PARD3B: variants seen among roughly 807,000 people sequenced by gnomAD.
The protein encoded by PARD3B is par-3 family cell polarity regulator beta, also known as partitioning defective 3 homolog B.
PARD3B carries 103 observed loss-of-function variants against 130.2 expected under a neutral mutation model. The observed-to-expected ratio is 0.79, with a 90% CI of 0.67 to 0.93. The LOEUF (loss-of-function observed/expected upper bound fraction) is 0.93. PARD3B is among the 40% of genes least tolerant of loss of function. PARD3B has a pLI of 0.00. For synonymous variants in PARD3B, 583 were observed against 553.2 expected (o/e 1.05, Z -0.76); for missense variants, 1,609 against 1,499.2 (o/e 1.07, Z -1.21).
chr2:204,615,622 G>C (rs1471579704), intron 1 of PARD3B, among the ~76,000 whole-genome samples: 1 of 152,116 alleles, frequency 6.6e-6, no homozygotes, highest in Non-Finnish European at 1.5e-5. Flanking sequence ...AATGAGCACT[G>C]TCAGTTGTTA....
Position 205,021,594 on chromosome 2 carries a change from TTC to T in PARD3B, c.395-25962_395-25961del, listed in dbSNP as rs372636581. The stretch of plus-strand genomic sequence containing the variant: ...TATGCTCTCTTCTCTCTCTCTTCTC[TTC>T]TCTCTCTCTCTCTCTCTCTCTCTCC... On this transcript the variant is annotated intron_variant, in intron 3 of 22. Coordinates refer to ENST00000406610, the MANE Select transcript of PARD3B (RefSeq NM_001302769.2). This position sits in a 1 kb window ranked among gnomAD's most constrained non-coding sequence, Gnocchi z 4.5. Among the ~76,000 whole-genome samples the T allele has an allele frequency of 0.042, 6,060 of 144,432 alleles. 154 individuals are homozygous for T. Among genetic ancestry groups the T allele is most frequent in the Non-Finnish European group, 0.057 (3,748 of 65,806 alleles). 94.8% of individuals were successfully genotyped at this position (144,432 alleles called of 152,430 possible).
intron 16 of PARD3B, among the ~76,000 whole-genome samples, chr2:205,257,647 C>A (rs1333014748): frequency 6.6e-6 from 1 of 152,142 alleles, no homozygotes; most frequent in South Asian, 2.1e-4. Context: ...TTTTCACTTA[C>A]AGCGCTGCTA....
intron 21 of PARD3B, among the ~76,000 whole-genome samples, chr2:205,546,538 A>G (rs1296650595): frequency 6.6e-6 from 1 of 152,198 alleles, no homozygotes; most frequent in African/African-American, 2.4e-5. Flanking sequence ...TCAAGCAGGA[A>G]TATTTCTGAG....
At chr2:205,566,697 G>A (rs1040557522) in intron 22 of PARD3B, among the ~76,000 whole-genome samples, 6 of 152,148 alleles carry the variant, frequency 3.9e-5, no homozygotes, top group African/African-American at 9.7e-5. Flanking sequence ...AGGATATTAA[G>A]CAAATGTGTA....
chr2:204,653,491 TA>T (rs913226270), intron 1 of PARD3B, among the ~76,000 whole-genome samples: 1 of 150,476 alleles, frequency 6.6e-6, no homozygotes. Flanking sequence ...AGGTCAGTCT[TA>T]AAAAAAATGT....
chr2:204,620,677 A>G (rs2034267347), intron 1 of PARD3B, among the ~76,000 whole-genome samples: 1 of 152,192 alleles, frequency 6.6e-6, no homozygotes, highest in Admixed American at 6.5e-5. Flanking sequence ...AATAAAAAGC[A>G]TGTATAGAGG....
At chr2:204,773,676 A>T in intron 2 of PARD3B, among the ~76,000 whole-genome samples, 1 of 152,010 alleles carries the variant, frequency 6.6e-6, no homozygotes, top group South Asian at 2.1e-4. Context: ...ATAAATTGCA[A>T]TATATATTCT....
At chr2:205,387,154 A>G (rs2045691728) in intron 18 of PARD3B, among the ~76,000 whole-genome samples, 2 of 152,136 alleles carry the variant, frequency 1.3e-5, no homozygotes, top group Non-Finnish European at 2.9e-5. Context: ...TCTTAATGGC[A>G]TTTTATATTT....
Position 205,616,081 on chromosome 2 carries a change from A to C in PARD3B, c.*268A>C. On this transcript the variant is annotated 3_prime_UTR_variant, in exon 23 of 23. Transcript: ENST00000406610. ...TTGAAACGCTTTCAGAGTTGTTCAA[A>C]TCAGTGAGAGTGGCAACGGAACACA... 5 of 442,614 alleles carry C rather than the reference A, an allele frequency of 1.1e-5. No individual in the cohort carries two copies. The highest frequency in any genetic ancestry group is 3.9e-5 in the East Asian group (1 of 25,904). 27.4% of individuals were successfully genotyped at this position (442,614 alleles called of 1,614,324 possible).
chr2:205,424,865 A>G (rs557221039), intron 19 of PARD3B, among the ~76,000 whole-genome samples: 1 of 152,328 alleles, frequency 6.6e-6, no homozygotes, highest in South Asian at 2.1e-4. Flanking sequence ...ATTTTAATAC[A>G]GAAAACTTAG....
rs1373625458 is a variant in PARD3B, at chr2:205,618,065, T to G, written c.*2252T>G. Reference sequence around the variant, plus strand: ...TGCCACCAGAGTGTGCAATACCTCCTGCACACAGGCTCAGGGTAAACTGCT... The same window carrying G: ...TGCCACCAGAGTGTGCAATACCTCCGGCACACAGGCTCAGGGTAAACTGCT... On this transcript the variant is annotated 3_prime_UTR_variant, in exon 23 of 23. Transcript: ENST00000406610. 1 of 152,208 alleles carries G rather than the reference T, an allele frequency of 6.6e-6. No individual in the cohort carries two copies. Among genetic ancestry groups the G allele is most frequent in the Non-Finnish European group, 1.5e-5 (1 of 68,038 alleles). 9.4% of individuals were successfully genotyped at this position (152,208 alleles called of 1,614,324 possible). A position where few individuals can be genotyped will look rare whatever the true frequency, so the allele number is the denominator to read the frequency against.
intron 20 of PARD3B, among the ~76,000 whole-genome samples, chr2:205,462,864 A>G (rs1307606823): frequency 1.3e-5 from 2 of 152,164 alleles, no homozygotes. Flanking sequence ...TGAGCCATTC[A>G]TCAAATCTCA....
chr2:204,757,198 T>C (rs949118133), intron 2 of PARD3B, among the ~76,000 whole-genome samples: 1 of 152,216 alleles, frequency 6.6e-6, no homozygotes, highest in Admixed American at 6.5e-5. Flanking sequence ...GTCTTTGCTG[T>C]TGTGACTAGT....
intron 2 of PARD3B, 83 bp from the exon 3 acceptor site, chr2:204,965,069 A>T (rs1406108061): frequency 7.3e-7 from 1 of 1,370,814 alleles, no homozygotes; most frequent in Admixed American, 2.6e-5. Flanking sequence ...TTTGCAACCA[A>T]ATAAAGATCA....
chr2:205,599,734 C>T (rs2054709444), intron 22 of PARD3B, among the ~76,000 whole-genome samples: 1 of 152,172 alleles, frequency 6.6e-6, no homozygotes, highest in Admixed American at 6.5e-5. Flanking sequence ...CATTCAGGTT[C>T]CAGTCACGTA....
intron 15 of PARD3B, among the ~76,000 whole-genome samples, chr2:205,243,093 G>T (rs1308053622): frequency 6.6e-6 from 1 of 152,100 alleles, no homozygotes. Context: ...TTGAACTCGG[G>T]AAGTGGAGGT....
chr2:205,007,976 G>T (rs934148836), intron 3 of PARD3B, among the ~76,000 whole-genome samples: 1 of 152,068 alleles, frequency 6.6e-6, no homozygotes, highest in Non-Finnish European at 1.5e-5. Context: ...TGAGTTCCTG[G>T]TTTGATTCTC....
At chr2:204,800,888 A>G (rs1055941122) in intron 2 of PARD3B, among the ~76,000 whole-genome samples, 4 of 152,244 alleles carry the variant, frequency 2.6e-5, no homozygotes, top group Admixed American at 6.5e-5. Flanking sequence ...TAATTTTTGT[A>G]TAAGGTATAA....
chr2:205,306,497 C>T (rs1460803943), intron 18 of PARD3B, among the ~76,000 whole-genome samples: 1 of 151,972 alleles, frequency 6.6e-6, no homozygotes, highest in Admixed American at 6.6e-5. Context: ...TAAATTAAAC[C>T]TTAACTTTAT....
Sources: gnomAD v4.1 joint callset for allele counts (sites outside exome capture counted in the v4.1 genomes callset) on GRCh38, gnomAD v4.1.1 for gene constraint, Gnocchi (gnomAD v3.1) non-coding constraint, MANE v1.5 for transcripts, NCBI Gene and HGNC (gene_info 2026-07-23, HGNC 2026-07-21) for gene names.